DACH2: variants seen among roughly 807,000 people sequenced by gnomAD.
DACH2 encodes the protein dachshund family transcription factor 2.
In DACH2, 17 loss-of-function variants were observed where a neutral mutation model predicts 35.8. The ratio of observed to expected loss-of-function variants is 0.48; its 90% CI spans 0.33 to 0.71. The LOEUF (loss-of-function observed/expected upper bound fraction) is 0.71. Ranked by LOEUF, DACH2 falls within the 30% of genes least tolerant of loss-of-function variation. The pLI is 0.02. For synonymous variants in DACH2, 195 were observed against 177.3 expected, an observed-to-expected ratio of 1.10 and a Z score of -0.79; for missense variants, 469 against 472.7, an observed-to-expected ratio of 0.99 and a Z score of 0.07.
intron 7 of DACH2, among the ~76,000 whole-genome samples, chrX:86,747,364 C>T (rs2041724096): frequency 9.0e-6 from 1 of 111,407 alleles, no homozygotes; most frequent in Non-Finnish European, 1.9e-5. Context: ...TCAATTTCTT[C>T]CAGCAATGTT....
intron 3 of DACH2, among the ~76,000 whole-genome samples, chrX:86,620,262 T>C (rs2040054021): frequency 8.9e-6 from 1 of 111,786 alleles, no homozygotes; most frequent in Non-Finnish European, 1.9e-5. Flanking sequence ...GCCTTAAAGT[T>C]GTACATAGAA....
rs1046568386 is a variant in DACH2, at chrX:86,500,798, G to T, written c.528-13481G>T. On this transcript the variant is annotated intron_variant, in intron 2 of 11. Transcript: ENST00000373125. Reference sequence around the variant, plus strand: ...AATGACCATACTATTTATCCTTAGGGAAAATATAGTTGATAAGTTGTTAGA... The same window carrying T: ...AATGACCATACTATTTATCCTTAGGTAAAATATAGTTGATAAGTTGTTAGA... 2.7e-5 allele frequency among the ~76,000 whole-genome samples: 3 copies of T among 112,035 alleles called. No individual in the cohort carries two copies. The South Asian group carries it at 1.1e-3, about 42-fold the overall frequency.
At chrX:86,329,209 C>T (rs187493335) in intron 1 of DACH2, among the ~76,000 whole-genome samples, 50 of 110,698 alleles carry the variant, frequency 4.5e-4, no homozygotes, top group Admixed American at 8.7e-4. Context: ...ATCATTAGCA[C>T]AAACAGAGTA....
intron 3 of DACH2, among the ~76,000 whole-genome samples, chrX:86,640,859 C>A (rs770239567): frequency 1.1e-4 from 12 of 111,862 alleles, no homozygotes; most frequent in Non-Finnish European, 2.3e-4. Context: ...AACATTTCCC[C>A]ATCTGAAACC....
At chrX:86,174,359 T>G (rs1219469845) in intron 1 of DACH2, among the ~76,000 whole-genome samples, 2 of 109,980 alleles carry the variant, frequency 1.8e-5, no homozygotes, top group Non-Finnish European at 3.8e-5. Flanking sequence ...ACTTCTGGCC[T>G]CAAGCGATCC....
At chrX:86,455,139 C>A (rs749666050) in intron 2 of DACH2, among the ~76,000 whole-genome samples, 2 of 110,462 alleles carry the variant, frequency 1.8e-5, no homozygotes, top group South Asian at 7.7e-4. Flanking sequence ...AAGATGGCAA[C>A]CTGTTCCTTC....
At chrX:86,683,234 C>G (rs1370036447) in intron 4 of DACH2, among the ~76,000 whole-genome samples, 1 of 111,323 alleles carries the variant, frequency 9.0e-6, no homozygotes, top group African/African-American at 3.3e-5. Context: ...TCTCCTCTTT[C>G]TTCATATTAA....
intron 3 of DACH2, among the ~76,000 whole-genome samples, chrX:86,622,885 AC>A (rs1174693683): frequency 8.9e-6 from 1 of 111,780 alleles, no homozygotes; most frequent in Non-Finnish European, 1.9e-5. Context: ...CATGATGATT[AC>A]AGTTGAATTA....
At chrX:86,778,027 T>C (rs1381103807) in intron 7 of DACH2, among the ~76,000 whole-genome samples, 1 of 111,671 alleles carries the variant, frequency 9.0e-6, no homozygotes, top group Non-Finnish European at 1.9e-5. Flanking sequence ...AAAAGTATAA[T>C]CCATTCATTT....
intron 7 of DACH2, among the ~76,000 whole-genome samples, chrX:86,769,058 C>CA (rs376887659): frequency 5.2e-3 from 561 of 106,974 alleles, no homozygotes; most frequent in African/African-American, 0.018. Context: ...GAATTAAAAA[C>CA]AAAAAAAAAG....
intron 1 of DACH2, among the ~76,000 whole-genome samples, chrX:86,318,236 T>C (rs1275989734): frequency 9.0e-6 from 1 of 111,433 alleles, no homozygotes; most frequent in Non-Finnish European, 1.9e-5. Flanking sequence ...TCAGCAATGT[T>C]CCAAGCATAA....
At chrX:86,613,312 T>C (rs965761119) in intron 3 of DACH2, among the ~76,000 whole-genome samples, 6 of 111,592 alleles carry the variant, frequency 5.4e-5, no homozygotes, top group Admixed American at 1.9e-4. Context: ...TCAGTGATTG[T>C]GTTTCTCTAA....
At chrX:86,545,506 A>G (rs2038945101) in intron 3 of DACH2, among the ~76,000 whole-genome samples, 3 of 112,209 alleles carry the variant, frequency 2.7e-5, no homozygotes, top group Non-Finnish European at 5.6e-5. Context: ...CAGTTTACCT[A>G]GATAACAAAC....
At chrX:86,173,274 T>G (rs2031186052) in intron 1 of DACH2, among the ~76,000 whole-genome samples, 1 of 112,018 alleles carries the variant, frequency 8.9e-6, no homozygotes, top group South Asian at 3.7e-4. Context: ...GAAAAAGAGA[T>G]TATATTCTAG....
At chrX:86,264,112 T>A (rs1459464027) in intron 1 of DACH2, among the ~76,000 whole-genome samples, 1 of 112,150 alleles carries the variant, frequency 8.9e-6, no homozygotes, top group Non-Finnish European at 1.9e-5. Flanking sequence ...ATATAATTTA[T>A]GTATAGTGTA....
At chrX:86,247,762 C>T (rs2033315109) in intron 1 of DACH2, among the ~76,000 whole-genome samples, 1 of 111,064 alleles carries the variant, frequency 9.0e-6, no homozygotes, top group Admixed American at 9.6e-5. Context: ...AGGCCAATAT[C>T]CCTGATTAAC....
chrX:86,332,609 G>T (rs914803914), intron 1 of DACH2, among the ~76,000 whole-genome samples: 2 of 78,315 alleles, frequency 2.6e-5, no homozygotes, highest in Non-Finnish European at 4.4e-5. Context: ...TATTATAAAC[G>T]TAACACTAAC....
chrX:86,433,866 A>G (rs2037024412), intron 2 of DACH2, among the ~76,000 whole-genome samples: 1 of 111,718 alleles, frequency 9.0e-6, no homozygotes, highest in Non-Finnish European at 1.9e-5. Context: ...GGAGTTTATT[A>G]TATTTAACAG....
chrX:86,648,588 G>C (rs1016067734), intron 3 of DACH2, among the ~76,000 whole-genome samples: 1 of 110,774 alleles, frequency 9.0e-6, no homozygotes, highest in African/African-American at 3.3e-5. Context: ...TGAAGACACA[G>C]ATATTCAGGT....
Sources: allele counts gnomAD v4.1 joint callset (sites outside exome capture counted in the v4.1 genomes callset), GRCh38; gene constraint gnomAD v4.1.1; transcripts MANE v1.5; gene names NCBI Gene and HGNC (gene_info 2026-07-23, HGNC 2026-07-21).